The following CCSER1 variants were observed in gnomAD, a reference collection of about 807,000 sequenced individuals.
CCSER1 encodes the protein serine-rich coiled-coil domain-containing protein 1.
Under a neutral mutation model 82.0 loss-of-function variants are expected in CCSER1, and 41 were observed. That is an observed-to-expected ratio of 0.50 (90% CI 0.39 to 0.65). The LOEUF is 0.65. Ranked by LOEUF, CCSER1 falls within the 30% of genes least tolerant of loss-of-function variation. CCSER1 has a pLI of 0.00. For missense variants in CCSER1, 1,119 were observed against 1,064.2 expected (o/e 1.05, Z -0.72); for synonymous variants, 414 against 383.9 (o/e 1.08, Z -0.92).
chr4:90,449,687 T>A (rs1234331683), intron 4 of CCSER1, among the ~76,000 whole-genome samples: 3 of 152,188 alleles, frequency 2.0e-5, no homozygotes, highest in African/African-American at 7.2e-5. Flanking sequence ...GGCTGGGTCA[T>A]AACAGTTGTC....
intron 8 of CCSER1, among the ~76,000 whole-genome samples, chr4:90,878,504 G>A (rs1478638001): frequency 6.6e-6 from 1 of 152,120 alleles, no homozygotes; most frequent in Non-Finnish European, 1.5e-5. Flanking sequence ...GGGGTGTTGA[G>A]AAATGCTAAA....
intron 1 of CCSER1, among the ~76,000 whole-genome samples, chr4:90,213,423 G>A (rs1173362793): frequency 1.3e-5 from 2 of 152,148 alleles, no homozygotes; most frequent in African/African-American, 4.8e-5. Flanking sequence ...GTAGGCCATA[G>A]AATATGTGAT....
chr4:90,309,200 A>G lies in CCSER1; in HGVS notation c.916A>G (p.Thr306Ala), dbSNP rs1734858244. ...CCTCAATTCTGCTGCTGTTACAAAG[A>G]CAACAACAGAACTTACGGGAACTGT... ...MSLNSAAVTKTTTELTGTVPC... is the reference protein window; with the variant it reads ...MSLNSAAVTKATTELTGTVPC... The change falls in exon 2 of 11, where the codon ACA becomes GCA. Residue 306 changes from threonine (T) to alanine (A), a missense_variant. Coordinates refer to ENST00000509176, the MANE Select transcript of CCSER1 (RefSeq NM_001145065.2). 1.2e-6 allele frequency: 2 copies of G among 1,613,946 alleles called. No individual in the cohort carries two copies. Among genetic ancestry groups the G allele is most frequent in the Non-Finnish European group, 1.7e-6 (2 of 1,179,838 alleles).
intron 6 of CCSER1, among the ~76,000 whole-genome samples, chr4:90,628,736 C>A (rs1250042675): frequency 6.6e-6 from 1 of 152,150 alleles, no homozygotes; most frequent in Non-Finnish European, 1.5e-5. Flanking sequence ...GCCCTCCCCA[C>A]AGCTTGGGCC....
At chr4:90,949,454 G>C (rs58387923) in intron 9 of CCSER1, among the ~76,000 whole-genome samples, 4,255 of 152,196 alleles carry the variant, frequency 0.028, 164 homozygotes, top group African/African-American at 0.087. Context: ...AAATAGGAGT[G>C]TGTAGGGTGT....
At chr4:90,467,700 CA>C (rs201951035) in intron 4 of CCSER1, among the ~76,000 whole-genome samples, 302 of 141,728 alleles carry the variant, frequency 2.1e-3, no homozygotes, top group African/African-American at 6.2e-3. Context: ...AAAACAAAAC[CA>C]AAAAAAAAAA....
intron 6 of CCSER1, among the ~76,000 whole-genome samples, chr4:90,691,841 C>T (rs890331420): frequency 2.0e-5 from 3 of 151,886 alleles, no homozygotes; most frequent in South Asian, 2.1e-4. Flanking sequence ...TTTCAATCCT[C>T]ACCCCCATTC....
At chr4:90,587,836 T>G (rs1034499104) in intron 5 of CCSER1, among the ~76,000 whole-genome samples, 2 of 152,214 alleles carry the variant, frequency 1.3e-5, no homozygotes, top group Non-Finnish European at 2.9e-5. Flanking sequence ...TTTAATAAAC[T>G]GGAAAAAATC....
At chr4:91,219,909 A>G (rs551938726) in intron 10 of CCSER1, among the ~76,000 whole-genome samples, 3 of 152,308 alleles carry the variant, frequency 2.0e-5, no homozygotes, top group South Asian at 2.1e-4. Flanking sequence ...AGAAATTTCT[A>G]TGTAGAGTAT....
intron 4 of CCSER1, among the ~76,000 whole-genome samples, chr4:90,410,227 C>G (rs1007505999): frequency 2.0e-5 from 3 of 152,122 alleles, no homozygotes; most frequent in Non-Finnish European, 4.4e-5. Flanking sequence ...ATCAATGAGA[C>G]AGAAAGTTAG....
At chr4:91,391,812 A>G (rs1391416212) in intron 10 of CCSER1, among the ~76,000 whole-genome samples, 1 of 152,076 alleles carries the variant, frequency 6.6e-6, no homozygotes, top group East Asian at 1.9e-4. Context: ...AGAATGTGTA[A>G]TCTGCTATGT....
rs565787342 is a variant in CCSER1, at chr4:91,050,289, G to A, written c.2173-35661G>A. Among the ~76,000 whole-genome samples the A allele has an allele frequency of 5.3e-5, 8 of 152,096 alleles. No homozygotes were observed. In the South Asian group the frequency reaches 1.7e-3, roughly 32 times the overall value. On this transcript the variant is annotated intron_variant, in intron 9 of 10. Transcript: ENST00000509176. ...CTATTAAAAATACAAAAATGAACCG[G>A]GCATGGTGGCAGATGCCTGTAATCC...
At chr4:91,368,543 T>C (rs1472151128) in intron 10 of CCSER1, among the ~76,000 whole-genome samples, 1 of 152,130 alleles carries the variant, frequency 6.6e-6, no homozygotes, top group Non-Finnish European at 1.5e-5. Context: ...TCTAAAAACA[T>C]ATAAGAGATA....
intron 10 of CCSER1, among the ~76,000 whole-genome samples, chr4:91,392,828 T>C (rs925514182): frequency 1.8e-4 from 28 of 152,112 alleles, no homozygotes; most frequent in South Asian, 4.1e-4. Flanking sequence ...ATTTTTCTGA[T>C]CTACTTCAAG....
At chr4:91,428,510 C>T (rs1754118936) in intron 10 of CCSER1, among the ~76,000 whole-genome samples, 1 of 152,002 alleles carries the variant, frequency 6.6e-6, no homozygotes, top group African/African-American at 2.4e-5. Flanking sequence ...AGACTATGAT[C>T]TTCAGAGAGT....
At chr4:90,432,903 C>T (rs1388024256) in intron 4 of CCSER1, among the ~76,000 whole-genome samples, 1 of 152,042 alleles carries the variant, frequency 6.6e-6, no homozygotes, top group African/African-American at 2.4e-5. Context: ...TTCTGCCTTC[C>T]TCAAAATCTC....
Position 91,598,861 on chromosome 4 carries a change from C to T in CCSER1, c.2507C>T (p.Thr836Ile). 6.4e-7 allele frequency: 1 copy of T among 1,551,650 alleles called. No homozygotes were observed. The highest frequency in any genetic ancestry group is 2.4e-5 in the East Asian group (1 of 40,918). The change falls in exon 11 of 11, where the codon ACA becomes ATA. Residue 836 changes from threonine to isoleucine, a missense_variant. By Grantham distance (89) the Thr-to-Ile change is moderately conservative. Transcript: ENST00000509176. ...AGCTCTCTGAAGCCAACAGCTAAGACAGAAGGGCTCTCCACGTTCTTAGAG... is the reference window on the plus strand; with the variant it reads ...AGCTCTCTGAAGCCAACAGCTAAGATAGAAGGGCTCTCCACGTTCTTAGAG... ...GQSSLKPTAK[T>I]EGLSTFLEKP...
intron 5 of CCSER1, among the ~76,000 whole-genome samples, chr4:90,567,246 C>T (rs1245112715): frequency 6.6e-6 from 1 of 150,986 alleles, no homozygotes; most frequent in Non-Finnish European, 1.5e-5. Context: ...CCCTTTTGAA[C>T]TGCTGTTGCT....
intron 10 of CCSER1, among the ~76,000 whole-genome samples, chr4:91,307,057 GAT>G (rs1489475761): frequency 1.3e-5 from 2 of 151,742 alleles, no homozygotes; most frequent in African/African-American, 2.4e-5. Flanking sequence ...TGTTTTATAA[GAT>G]ATCAAAATTT....
Sources: allele counts gnomAD v4.1 joint callset (sites outside exome capture counted in the v4.1 genomes callset), GRCh38; gene constraint gnomAD v4.1.1; transcripts MANE v1.5; gene names NCBI Gene and HGNC (gene_info 2026-07-23, HGNC 2026-07-21).